HNRNPUL1: variants seen among roughly 807,000 people sequenced by gnomAD.
HNRNPUL1 encodes heterogeneous nuclear ribonucleoprotein U like 1.
A neutral mutation model predicts 108.5 loss-of-function variants in HNRNPUL1; 14 were observed. The observed-to-expected ratio is 0.13, with a 90% CI of 0.09 to 0.20. HNRNPUL1 has a LOEUF of 0.20. Among genes scored for constraint, HNRNPUL1 ranks in the 10% least tolerant of loss-of-function variants. The pLI is 1.00. For missense variants in HNRNPUL1, 804 were observed against 1,168.3 expected (o/e 0.69, Z 4.55); for synonymous variants, 422 against 445.2 (o/e 0.95, Z 0.66).
intron 7 of HNRNPUL1, among the ~76,000 whole-genome samples, chr19:41,286,267 A>G (rs2036222526): frequency 6.6e-6 from 1 of 151,432 alleles, no homozygotes; most frequent in South Asian, 2.1e-4. Context: ...TATTTTCAGT[A>G]TATTGAATGA....
chr19:41,303,458 G>A (rs1327343047), intron 12 of HNRNPUL1, among the ~76,000 whole-genome samples: 4 of 151,108 alleles, frequency 2.6e-5, no homozygotes, highest in Non-Finnish European at 5.9e-5. Context: ...GCATTCAAGC[G>A]ATTCTCTCGC....
In HNRNPUL1 at chr19:41,305,720, G is replaced by C; in HGVS notation, c.2307G>C (p.Gln769His). Residue 769 changes from glutamine to histidine, a missense_variant, in exon 14 of 15, where the codon CAG becomes CAC. Gln to His is a conservative substitution (Grantham distance 24). Coordinates refer to ENST00000392006, the MANE Select transcript of HNRNPUL1 (RefSeq NM_007040.6). ...CCTACAACCAGGGAGGTTACAGCCA[G>C]GGCTACACAGCCCCACCGCCTCCAC... is the stretch of plus-strand genomic sequence containing the variant. ...QPPYNQGGYS[Q>H]GYTAPPPPPP... is the part of the protein sequence containing the mutation. The C allele has an allele frequency of 6.2e-7, 1 of 1,614,098 alleles. No individual in the cohort carries two copies. Among genetic ancestry groups the C allele is most frequent in the Non-Finnish European group, 8.5e-7 (1 of 1,180,020 alleles).
chr19:41,279,224 T>A, intron 6 of HNRNPUL1, 48 bp downstream of exon 6: 1 of 1,322,532 alleles, frequency 7.6e-7, no homozygotes, highest in Non-Finnish European at 1.1e-6. Context: ...TGACTGTCCC[T>A]ACCCTTGGAT....
rs930860820 is a variant in HNRNPUL1, at chr19:41,306,644, G to A, written c.*79G>A. 2.7e-5 allele frequency: 23 copies of A among 862,536 alleles called. No homozygotes were observed. The highest frequency in any genetic ancestry group is 3.9e-5 in the Non-Finnish European group (23 of 585,158). The allele number at this position is 862,536 out of a possible 1,614,324, so 53.4% of individuals were successfully genotyped here. On this transcript the variant is annotated 3_prime_UTR_variant, in exon 15 of 15. Transcript: ENST00000392006. ...CTGCCTCGGCCCCTCCTCTGCCCCC[G>A]CCAGATCCCGTGGTGCTGGGGATGG...
At chr19:41,273,789 G>A (rs150376343) in intron 3 of HNRNPUL1, among the ~76,000 whole-genome samples, 193 bp from the exon 4 acceptor site, 31 of 152,314 alleles carry the variant, frequency 2.0e-4, no homozygotes, top group African/African-American at 6.5e-4. Flanking sequence ...TGTCTCCACC[G>A]TAGGAGTTGA....
upstream of HNRNPUL1, among the ~76,000 whole-genome samples, chr19:41,263,497 G>A (rs888630827): frequency 1.3e-5 from 2 of 152,190 alleles, no homozygotes; most frequent in African/African-American, 4.8e-5. Flanking sequence ...CCCGACCATA[G>A]AGCAAGGCGG....
intron 10 of HNRNPUL1, among the ~76,000 whole-genome samples, 183 bp from the exon 11 acceptor site, chr19:41,301,353 C>T (rs935026411): frequency 3.3e-5 from 5 of 152,194 alleles, no homozygotes; most frequent in Non-Finnish European, 5.9e-5. Context: ...TTACCTAAGT[C>T]AATTCATTTG....
chr19:41,263,955 T>C (rs2034642259), upstream of HNRNPUL1, among the ~76,000 whole-genome samples: 1 of 152,148 alleles, frequency 6.6e-6, no homozygotes, highest in Non-Finnish European at 1.5e-5. Context: ...CTCGGACTCC[T>C]CAAGGGGCGG....
rs766813390 is a variant in HNRNPUL1 at position 41,272,109 on chromosome 19, C to T, written c.446C>T (p.Ala149Val). The T allele has an allele frequency of 4.3e-6, 7 of 1,614,068 alleles. No homozygotes were observed. In the East Asian group the frequency reaches 1.3e-4, roughly 31 times the overall value. ...ATGAAGACAGAGATGAAGCAAGGAG[C>T]ACCCACCAGCTTCCTCCCGCCTGAA... Reference protein sequence around the residue: ...PEMKTEMKQGAPTSFLPPEAS... With the variant: ...PEMKTEMKQGVPTSFLPPEAS... Residue 149 changes from alanine (A) to valine (V), a missense_variant, in exon 3 of 15, where the codon GCA becomes GTA. Around this residue, in one of 4 missense-constraint regions of HNRNPUL1, gnomAD observed 256 missense variants for 261.6 expected, o/e 0.98. Coordinates refer to ENST00000392006, the MANE Select transcript of HNRNPUL1 (RefSeq NM_007040.6).
intron 11 of HNRNPUL1, among the ~76,000 whole-genome samples, chr19:41,302,214 G>GCTTTTT (rs2037254505): frequency 1.1e-5 from 1 of 92,430 alleles, no homozygotes; most frequent in African/African-American, 4.6e-5. Flanking sequence ...CTCTCTCTCT[G>GCTTTTT]TTTTTTTTTT....
Position 41,304,130 on chromosome 19 carries a change from C to T in HNRNPUL1, c.2131C>T (p.Pro711Ser). 1 of 1,614,086 alleles carries T rather than the reference C, an allele frequency of 6.2e-7. No homozygotes were observed. Among genetic ancestry groups the T allele is most frequent in the Non-Finnish European group, 8.5e-7 (1 of 1,179,986 alleles). ...PPPPQPPPQQ[P>S]PPPPSYSPAR... ...GCCACCACAGCCACCACCCCAGCAG[C>T]CACCGCCACCACCCAGCTACAGCCC... The change falls in exon 13 of 15, where the codon CCA becomes TCA. Residue 711 changes from proline (P) to serine (S), a missense_variant. Around this residue, in one of 4 missense-constraint regions of HNRNPUL1, gnomAD observed 294 missense variants for 388.3 expected, o/e 0.76. Coordinates refer to ENST00000392006, the MANE Select transcript of HNRNPUL1 (RefSeq NM_007040.6).
intron 5 of HNRNPUL1, among the ~76,000 whole-genome samples, chr19:41,278,602 TTTG>T (rs921738477): frequency 6.6e-6 from 1 of 151,726 alleles, no homozygotes; most frequent in African/African-American, 2.4e-5. Flanking sequence ...TTTATGGGGT[TTTG>T]TTGTTTTTTT....
chr19:41,264,278 C>T (rs915274824), upstream of HNRNPUL1: 4 of 399,014 alleles, frequency 1.0e-5, no homozygotes, highest in East Asian at 1.1e-4. Context: ...GGCTAGGTTT[C>T]CGGGCCCGCG....
intron 7 of HNRNPUL1, among the ~76,000 whole-genome samples, chr19:41,282,447 A>G (rs7256856): frequency 0.21 from 31,191 of 151,984 alleles, 3,566 homozygotes; most frequent in East Asian, 0.34. Context: ...CTTGCAAAGT[A>G]CTGGGATTAC....
chr19:41,283,325 G>A (rs2036015318), intron 7 of HNRNPUL1, among the ~76,000 whole-genome samples: 1 of 152,168 alleles, frequency 6.6e-6, no homozygotes, highest in Admixed American at 6.5e-5. Context: ...CTGTCACCCA[G>A]GCTGGAGTCT....
intron 11 of HNRNPUL1, 35 bp from the exon 12 acceptor site, chr19:41,302,630 T>C (rs1409079448): frequency 3.7e-6 from 6 of 1,613,894 alleles, no homozygotes; most frequent in Non-Finnish European, 5.1e-6. Context: ...TGACCTCTTC[T>C]TCTTGTTCTC....
intron 7 of HNRNPUL1, among the ~76,000 whole-genome samples, chr19:41,287,120 A>AT (rs1031411434): frequency 4.0e-5 from 6 of 151,434 alleles, no homozygotes; most frequent in Admixed American, 6.6e-5. Flanking sequence ...GGTTCAAGTG[A>AT]TTTTTTTGCC....
intron 6 of HNRNPUL1, among the ~76,000 whole-genome samples, chr19:41,280,117 T>G (rs573246604): frequency 6.6e-6 from 1 of 152,312 alleles, no homozygotes; most frequent in East Asian, 1.9e-4. Context: ...AGACTAATCT[T>G]TAAAAATAGA....
At chr19:41,264,182 C>T (rs148925480), upstream of HNRNPUL1, 107 of 272,524 alleles carry the variant, frequency 3.9e-4, no homozygotes, top group East Asian at 6.2e-3. Flanking sequence ...TCCGCTCCGG[C>T]CTCGGCTTCG....
Sources: gnomAD v4.1 joint callset for allele counts (sites outside exome capture counted in the v4.1 genomes callset) on GRCh38, gnomAD v4.1.1 for gene constraint, gnomAD v4.1.1 regional missense constraint, MANE v1.5 for transcripts, NCBI Gene and HGNC (gene_info 2026-07-23, HGNC 2026-07-21) for gene names.